Variants in MYOZ1 observed in about 807,000 individuals in gnomAD.
The protein encoded by MYOZ1 is myozenin-1.
A neutral mutation model predicts 28.7 loss-of-function variants in MYOZ1; 20 were observed. The ratio of observed to expected loss-of-function variants is 0.70; its 90% confidence interval spans 0.49 to 1.01. The LOEUF is 1.01. Among genes scored for constraint, MYOZ1 ranks in the 50% least tolerant of loss-of-function variants. MYOZ1 has a pLI of 0.00. For missense variants in MYOZ1, 371 were observed against 372.4 expected (o/e 1.00, Z 0.03); for synonymous variants, 144 against 145.8 (o/e 0.99, Z 0.09).
Position 73,631,961 on chromosome 10 carries a change from A to T in MYOZ1, c.869T>A (p.Ile290Asn). 1 of 1,614,052 alleles carries T rather than the reference A, an allele frequency of 6.2e-7. No homozygotes were observed. Among genetic ancestry groups the T allele is most frequent in the Non-Finnish European group, 8.5e-7 (1 of 1,179,958 alleles). Reference protein sequence around the residue: ...EPVDYNVDIGIPLDGETEEL With the variant: ...EPVDYNVDIGNPLDGETEEL ...CTCCTCTGTTTCTCCATCCAAGGGG[A>T]TGCCAATATCCACGTTGTAGTCTAC... Residue 290 changes from isoleucine to asparagine, a missense_variant, in exon 6 of 6, where the codon ATC becomes AAC. Coordinates refer to ENST00000359322, the MANE Select transcript of MYOZ1 (RefSeq NM_021245.4).
At position 73,632,048 on chromosome 10, in the gene MYOZ1, T is replaced by G; in HGVS notation, c.782A>C (p.Asn261Thr). Residue 261 changes from asparagine (N) to threonine (T), a missense_variant, in exon 6 of 6, where the codon AAC becomes ACC. Coordinates refer to ENST00000359322, the MANE Select transcript of MYOZ1 (RefSeq NM_021245.4). ...LSEPLVLYNQNLSNRPSFNRT... is the reference protein window; with the variant it reads ...LSEPLVLYNQTLSNRPSFNRT... ...ATTGAAAGAAGGCCTGTTGGAGAGGTTTTGGTTGTAGAGGACCAGGGGTTC... is the reference window on the plus strand; with the variant it reads ...ATTGAAAGAAGGCCTGTTGGAGAGGGTTTGGTTGTAGAGGACCAGGGGTTC... 2 of 1,613,664 alleles carry G rather than the reference T, an allele frequency of 1.2e-6. No individual in the cohort carries two copies. Among genetic ancestry groups the G allele is most frequent in the Non-Finnish European group, 1.7e-6 (2 of 1,179,900 alleles).
intron 5 of MYOZ1, among the ~76,000 whole-genome samples, 193 bp from the exon 6 acceptor site, chr10:73,632,354 A>G (rs2081639998): frequency 6.6e-6 from 1 of 152,128 alleles, no homozygotes; most frequent in Admixed American, 6.6e-5. Context: ...AATAATGAGA[A>G]AAGGAGTCTA....
chr10:73,637,846 C>T lies in MYOZ1; in HGVS notation c.150G>A (p.Ser50=), dbSNP rs770574333. The change falls in exon 3 of 6, where the codon TCG becomes TCA. Residue 50 remains serine, a synonymous_variant. Transcript: ENST00000359322. The part of the protein sequence containing the change: ...VPRDVMLEEL[S]LLTNRGSKMF... ...TCTTGGAGCCCCGGTTGGTAAGCAG[C>T]GACAGTTCCTCCAACATCACATCCC... The T allele has an allele frequency of 6.2e-6, 10 of 1,613,990 alleles. No individual in the cohort carries two copies. The South Asian group carries it at 9.9e-5, about 16-fold the overall frequency.
Position 73,632,099 on chromosome 10 carries a change from T to G in MYOZ1, c.731A>C (p.Lys244Thr), listed in dbSNP as rs1264327622. 1.2e-6 allele frequency: 2 copies of G among 1,614,060 alleles called. No individual in the cohort carries two copies. The highest frequency in any genetic ancestry group is 1.3e-5 in the African/African-American group (1 of 74,912). ...ACTCAGCAAGGGCCCCAGGTCAAAC[T>G]TGGGCATCTGGAAGGTCATGCGTTT... ...ASKRMTFQMP[K>T]FDLGPLLSEP... The change falls in exon 6 of 6, where the codon AAG (lysine) becomes ACG (threonine). Residue 244 changes from lysine to threonine, a missense_variant. Physicochemically the swap from Lys to Thr is moderately conservative, Grantham distance 78. Coordinates refer to ENST00000359322, the MANE Select transcript of MYOZ1 (RefSeq NM_021245.4).
chr10:73,636,107 C>T (rs1316478820), intron 3 of MYOZ1, among the ~76,000 whole-genome samples: 2 of 152,146 alleles, frequency 1.3e-5, no homozygotes, highest in Non-Finnish European at 2.9e-5. Context: ...ACTTCTGCCC[C>T]CGGCCCCATG....
chr10:73,637,780 ATAAAT>A lies in MYOZ1; in HGVS notation c.211_215del (p.Ile71Ter). ...CAGAGAAAACATCAGGGTGGTTCTCATAAATAAACTTCTCCACCCTCATCTGCCGC... is the reference window on the plus strand; with the variant it reads ...CAGAGAAAACATCAGGGTGGTTCTCAAAACTTCTCCACCCTCATCTGCCGC... On this transcript the variant is annotated frameshift_variant, in exon 3 of 6. Transcript: ENST00000359322. LOFTEE classifies it high-confidence loss of function. 2 of 1,614,128 alleles carry A rather than the reference ATAAAT, an allele frequency of 1.2e-6. No homozygotes were observed. Among genetic ancestry groups the A allele is most frequent in the Non-Finnish European group, 1.7e-6 (2 of 1,180,032 alleles).
intron 2 of MYOZ1, 61 bp downstream of exon 2, chr10:73,639,883 GA>G: frequency 6.6e-7 from 1 of 1,508,660 alleles, no homozygotes; most frequent in East Asian, 2.3e-5. Flanking sequence ...ATATTTCTGG[GA>G]CTCTTGGTTT....
intron 2 of MYOZ1, 104 bp downstream of exon 2, chr10:73,639,841 T>G: frequency 8.4e-7 from 1 of 1,188,914 alleles, no homozygotes; most frequent in Non-Finnish European, 1.2e-6. Context: ...TTCCCACCAC[T>G]TAATTTCTCT....
intron 3 of MYOZ1, 125 bp downstream of exon 3, chr10:73,637,619 G>A: frequency 1.0e-6 from 1 of 958,812 alleles, no homozygotes. Flanking sequence ...ATATATCTGG[G>A]GGTTTAACAA....
chr10:73,632,221 T>C, intron 5 of MYOZ1, 60 bp from the exon 6 acceptor site: 2 of 1,442,876 alleles, frequency 1.4e-6, no homozygotes, highest in Non-Finnish European at 1.9e-6. Context: ...AGCCTTATCA[T>C]GAGATGCTAC....
At chr10:73,641,178 G>A (rs1489275645) in intron 1 of MYOZ1, among the ~76,000 whole-genome samples, 1 of 152,160 alleles carries the variant, frequency 6.6e-6, no homozygotes, top group Non-Finnish European at 1.5e-5. Flanking sequence ...ACTTAGTGGG[G>A]TCTCCCTTCC....
rs1241436753 is a variant in MYOZ1 at position 73,636,604 on chromosome 10, C to T, written c.252+1140G>A. Reference sequence around the variant, plus strand: ...CAGAGTAGCTGGGATTACAGGTGTGCGCCACCAGACCCAGCTAACTTTTTA... The same window carrying T: ...CAGAGTAGCTGGGATTACAGGTGTGTGCCACCAGACCCAGCTAACTTTTTA... On this transcript the variant is annotated intron_variant, in intron 3 of 5. Transcript: ENST00000359322. 3.3e-5 allele frequency among the ~76,000 whole-genome samples: 5 copies of T among 152,008 alleles called. No individual in the cohort carries two copies. In the East Asian group the frequency reaches 5.8e-4, roughly 18 times the overall value.
Position 73,639,964 on chromosome 10 carries a change from C to T in MYOZ1, c.54G>A (p.Leu18=). The T allele has an allele frequency of 6.2e-7, 1 of 1,613,988 alleles. No individual in the cohort carries two copies. The highest frequency in any genetic ancestry group is 2.2e-5 in the East Asian group (1 of 44,872). ...APNKKRKSSK[L]IMELTGGGQE... is the part of the protein sequence containing the mutation. ...TCCTACCTCCAGTGAGTTCCATGATCAGCTTGCTGGATTTCCTCTTCTTAT... is the reference window on the plus strand; with the variant it reads ...TCCTACCTCCAGTGAGTTCCATGATTAGCTTGCTGGATTTCCTCTTCTTAT... Residue 18 remains leucine, a synonymous_variant, in exon 2 of 6, where the codon CTG becomes CTA. Coordinates refer to ENST00000359322, the MANE Select transcript of MYOZ1 (RefSeq NM_021245.4).
Position 73,634,505 on chromosome 10 carries a change from C to T in MYOZ1, c.481G>A (p.Gly161Arg). The part of the protein sequence containing the change: ...AGRGGAAGTA[G>R]VGETGSGDQA... ...TTGCCTGATCCTGTCTCACCAACCC[C>T]TGCTGTGCCAGCAGCTCCTCCTCTG... Residue 161 changes from glycine (G) to arginine (R), a missense_variant, in exon 4 of 6, where the codon GGG (glycine) becomes AGG (arginine). By Grantham distance (125) the Gly-to-Arg change is moderately radical. Transcript: ENST00000359322. 1 of 1,614,168 alleles carries T rather than the reference C, an allele frequency of 6.2e-7. No homozygotes were observed. Among genetic ancestry groups the T allele is most frequent in the Non-Finnish European group, 8.5e-7 (1 of 1,180,020 alleles).
intron 1 of MYOZ1, among the ~76,000 whole-genome samples, chr10:73,641,137 T>C (rs2081701599): frequency 1.3e-5 from 2 of 152,238 alleles, no homozygotes; most frequent in African/African-American, 2.4e-5. Context: ...TTCTAAGTCC[T>C]GTCTCAAAAA....
chr10:73,637,010 C>CTTTTT lies in MYOZ1; in HGVS notation c.252+733_252+734insAAAAA, dbSNP rs200349316. 2.3e-4 allele frequency among the ~76,000 whole-genome samples: 32 copies of CTTTTT among 137,486 alleles called. 3 individuals are homozygous for CTTTTT. Among genetic ancestry groups the CTTTTT allele is most frequent in the African/African-American group, 7.3e-4 (25 of 34,284 alleles). 90.2% of individuals were successfully genotyped at this position (137,486 alleles called of 152,430 possible). A position where few individuals can be genotyped will look rare whatever the true frequency, so the allele number is the denominator to read the frequency against. ...TTATCTTCTTCCTTTTTTCTTTTTT[C>CTTTTT]TTTCTTTTTTTTTTTTTTTTGAGAC... On this transcript the variant is annotated intron_variant, in intron 3 of 5. Transcript: ENST00000359322.
intron 4 of MYOZ1, among the ~76,000 whole-genome samples, 156 bp downstream of exon 4, chr10:73,634,328 A>AC (rs377059912): frequency 3.4e-3 from 513 of 152,242 alleles, no homozygotes; most frequent in African/African-American, 0.012. Flanking sequence ...CAGGTAATTC[A>AC]CCAAGATATT....
chr10:73,638,123 G>A (rs1397549890), intron 2 of MYOZ1, among the ~76,000 whole-genome samples: 3 of 151,902 alleles, frequency 2.0e-5, no homozygotes, highest in African/African-American at 7.3e-5. Context: ...GGTGCACTGT[G>A]GAGATAATGG....
At chr10:73,637,402 T>C (rs1426129620) in intron 3 of MYOZ1, among the ~76,000 whole-genome samples, 1 of 152,226 alleles carries the variant, frequency 6.6e-6, no homozygotes, top group Non-Finnish European at 1.5e-5. Flanking sequence ...AAATTATTCA[T>C]TGTGTATCTC....
Sources: gnomAD v4.1 joint callset for allele counts (sites outside exome capture counted in the v4.1 genomes callset) on GRCh38, gnomAD v4.1.1 for gene constraint, MANE v1.5 for transcripts, NCBI Gene and HGNC (gene_info 2026-07-23, HGNC 2026-07-21) for gene names.